SCN3A: variants seen among roughly 807,000 people sequenced by gnomAD.
The protein encoded by SCN3A is sodium voltage-gated channel alpha subunit 3, also known as sodium channel protein type 3 subunit alpha.
In SCN3A, 60 loss-of-function variants were observed where a neutral mutation model predicts 187.6. That is an observed-to-expected ratio of 0.32 (90% confidence interval 0.26 to 0.40). The LOEUF is 0.40. SCN3A is among the 10% of genes least tolerant of loss of function. SCN3A has a pLI of 1.00. For synonymous variants in SCN3A, 788 were observed against 829.2 expected (o/e 0.95, Z 0.85); for missense variants, 1,601 against 2,428.2 (o/e 0.66, Z 7.16).
At chr2:165,152,643 G>A (rs758770645) in intron 11 of SCN3A, among the ~76,000 whole-genome samples, 4 of 152,070 alleles carry the variant, frequency 2.6e-5, no homozygotes, top group South Asian at 2.1e-4. Flanking sequence ...CTGAGGAATC[G>A]CCACACTGTC....
At chr2:165,104,111 A>C (rs538583122) in intron 21 of SCN3A, among the ~76,000 whole-genome samples, 2 of 152,204 alleles carry the variant, frequency 1.3e-5, no homozygotes, top group Middle Eastern at 3.5e-3. Context: ...TTTCATCTTA[A>C]CTTTTAAAAA....
chr2:165,099,591 C>A (rs1426477645), intron 22 of SCN3A, among the ~76,000 whole-genome samples: 1 of 152,198 alleles, frequency 6.6e-6, no homozygotes, highest in East Asian at 1.9e-4. Context: ...GTGGCGGGCA[C>A]CTGTAGTCCC....
At chr2:165,163,750 A>G (rs1689554059) in intron 6 of SCN3A, 41 bp from the exon 7 acceptor site, 2 of 1,613,656 alleles carry the variant, frequency 1.2e-6, no homozygotes, top group Non-Finnish European at 1.7e-6. Context: ...ATAACACACA[A>G]GAAAAGTTGG....
intron 11 of SCN3A, among the ~76,000 whole-genome samples, chr2:165,150,016 G>A (rs982836711): frequency 6.6e-6 from 1 of 152,066 alleles, no homozygotes; most frequent in African/African-American, 2.4e-5. Flanking sequence ...TTTCTTAAGA[G>A]CTACTATTTC....
chr2:165,141,120 A>G, intron 12 of SCN3A, 122 bp from the exon 13 acceptor site: 1 of 645,690 alleles, frequency 1.5e-6, no homozygotes, highest in Non-Finnish European at 2.7e-6. Context: ...GCTCTTAAAC[A>G]TGGATAATCA....
chr2:165,094,724 A>C (rs1371414316), intron 25 of SCN3A, among the ~76,000 whole-genome samples: 1 of 152,186 alleles, frequency 6.6e-6, no homozygotes, highest in African/African-American at 2.4e-5. Context: ...AAAAGTAGGC[A>C]CAAGGGTCTC....
intron 25 of SCN3A, among the ~76,000 whole-genome samples, chr2:165,095,133 A>G (rs1445697490): frequency 6.6e-6 from 1 of 152,204 alleles, no homozygotes; most frequent in Non-Finnish European, 1.5e-5. Context: ...CAGAAAGCTC[A>G]TATAGATGTA....
chr2:165,111,488 CACACA>C, intron 21 of SCN3A, among the ~76,000 whole-genome samples: 1 of 5,046 alleles, frequency 2.0e-4, no homozygotes, highest in South Asian at 4.0e-3. Flanking sequence ...GTCTGATACA[CACACA>C]CACACACACA....
At chr2:165,098,846 T>G (rs1226307386) in intron 22 of SCN3A, among the ~76,000 whole-genome samples, 2 of 152,192 alleles carry the variant, frequency 1.3e-5, no homozygotes, top group African/African-American at 4.8e-5. Flanking sequence ...TTTATAAGTT[T>G]TAAATTTTGC....
At position 165,154,625 on chromosome 2, in the gene SCN3A, A is replaced by T. The variant is rs1688904462; in HGVS notation, c.1207T>A (p.Phe403Ile). 1 of 1,614,156 alleles carries T rather than the reference A, an allele frequency of 6.2e-7. No individual in the cohort carries two copies. The highest frequency in any genetic ancestry group is 1.7e-5 in the Admixed American group (1 of 60,030). Residue 403 changes from phenylalanine (F) to isoleucine (I), a missense_variant, in exon 11 of 28, where the codon TTT becomes ATT. Coordinates refer to ENST00000283254, the MANE Select transcript of SCN3A (RefSeq NM_006922.4). ...LRAAGKTYMI[F>I]FVLVIFLGSF... Reference sequence around the variant, plus strand: ...CCCAAGAAAATGACCAGGACAAAAAATATCATGTATGTTTTCCCAGCAGCA... The same window carrying T: ...CCCAAGAAAATGACCAGGACAAAAATTATCATGTATGTTTTCCCAGCAGCA...
intron 10 of SCN3A, 84 bp downstream of exon 10, chr2:165,155,678 C>A: frequency 1.3e-6 from 2 of 1,515,740 alleles, no homozygotes; most frequent in South Asian, 1.1e-5. Context: ...GGGTTACAGG[C>A]ATGAGCCACC....
Position 165,092,218 on chromosome 2 carries a change from T to C in SCN3A, c.4807+36A>G, listed in dbSNP as rs1392874798. 3.1e-6 allele frequency: 5 copies of C among 1,606,896 alleles called. No individual in the cohort carries two copies. Among genetic ancestry groups the C allele is most frequent in the Non-Finnish European group, 3.4e-6 (4 of 1,173,672 alleles). On this transcript the variant is annotated intron_variant, in intron 27 of 27. Transcript: ENST00000283254. This position sits in a 1 kb window ranked among gnomAD's most constrained non-coding sequence, Gnocchi z 4.2. ...GAAGGTCCTGGGGCAACTGTTTCTC[T>C]GTAACTATACCTCTTGGTAATTAAG...
chr2:165,112,615 T>C (rs1024379776), intron 21 of SCN3A, among the ~76,000 whole-genome samples: 8 of 152,180 alleles, frequency 5.3e-5, no homozygotes, highest in African/African-American at 1.9e-4. Flanking sequence ...ATTACTTACC[T>C]TGAGGCACTT....
chr2:165,157,879 C>G (rs1689158631), intron 9 of SCN3A, among the ~76,000 whole-genome samples: 1 of 152,104 alleles, frequency 6.6e-6, no homozygotes, highest in Admixed American at 6.6e-5. Flanking sequence ...CAGTTGACAC[C>G]TGTAACAGTT....
At chr2:165,129,322 C>T (rs1687177250) in intron 17 of SCN3A, among the ~76,000 whole-genome samples, 1 of 152,182 alleles carries the variant, frequency 6.6e-6, no homozygotes, top group African/African-American at 2.4e-5. Context: ...GGACAATGTC[C>T]ATACATATGA....
intron 9 of SCN3A, among the ~76,000 whole-genome samples, chr2:165,161,137 CTTTTTTTTTTTTT>C (rs61608647): frequency 1.2e-4 from 11 of 93,398 alleles, no homozygotes; most frequent in Non-Finnish European, 2.2e-4. Flanking sequence ...TTCTTTCTTT[CTTTTTTTTTTTTT>C]TTTTTTTTTT....
At chr2:165,148,278 T>C (rs1032309282) in intron 11 of SCN3A, among the ~76,000 whole-genome samples, 2 of 152,106 alleles carry the variant, frequency 1.3e-5, no homozygotes, top group East Asian at 3.9e-4. Context: ...ATAGAACTTA[T>C]ATTTAACTTG....
chr2:165,151,699 G>A (rs114891729), intron 11 of SCN3A, among the ~76,000 whole-genome samples: 3,042 of 152,244 alleles, frequency 0.02, 107 homozygotes, highest in African/African-American at 0.069. Flanking sequence ...TGGTTGTATA[G>A]TTCACAAAAC....
chr2:165,191,419 G>C (rs888189540), intron 1 of SCN3A, among the ~76,000 whole-genome samples: 1 of 151,988 alleles, frequency 6.6e-6, no homozygotes, highest in African/African-American at 2.4e-5. Flanking sequence ...TGCCTAAAAG[G>C]CCTTATAATC....
Sources: gnomAD v4.1 joint callset for allele counts (sites outside exome capture counted in the v4.1 genomes callset) on GRCh38, gnomAD v4.1.1 for gene constraint, Gnocchi (gnomAD v3.1) non-coding constraint, MANE v1.5 for transcripts, NCBI Gene and HGNC (gene_info 2026-07-23, HGNC 2026-07-21) for gene names.